BTBD9: variants seen among roughly 807,000 people sequenced by gnomAD.
The protein encoded by BTBD9 is BTB domain containing 9.
In BTBD9, 49 loss-of-function variants were observed where a neutral mutation model predicts 64.3. That is an observed-to-expected ratio of 0.76 (90% CI 0.61 to 0.97). The LOEUF is 0.97. BTBD9 is among the 50% of genes least tolerant of loss of function. The pLI, the probability that BTBD9 is intolerant of heterozygous loss-of-function variation, is 0.00. For synonymous variants in BTBD9, 260 were observed against 274.7 expected, an observed-to-expected ratio of 0.95 and a Z score of 0.53; for missense variants, 598 against 762.1, an observed-to-expected ratio of 0.78 and a Z score of 2.53.
intron 6 of BTBD9, among the ~76,000 whole-genome samples, chr6:38,541,514 G>A (rs1341577572): frequency 2.0e-5 from 3 of 152,242 alleles, no homozygotes; most frequent in Non-Finnish European, 4.4e-5. Context: ...CGAGGCAGGC[G>A]GATCACGAGG....
chr6:38,180,997 G>A lies in BTBD9; in HGVS notation c.1642-5815C>T, dbSNP rs145880431. On this transcript the variant is annotated intron_variant, in intron 10 of 10. Coordinates refer to ENST00000481247, the MANE Select transcript of BTBD9 (RefSeq NM_001099272.2). ...AGATAGGCTGGGTGTTCTTTTCCCCGTGAATCCTGGACAGGATGTACACAA... is the reference window on the plus strand; with the variant it reads ...AGATAGGCTGGGTGTTCTTTTCCCCATGAATCCTGGACAGGATGTACACAA... 1.3e-3 allele frequency among the ~76,000 whole-genome samples: 203 copies of A among 152,296 alleles called. 1 individual carries two copies. The highest frequency in any genetic ancestry group is 4.6e-3 in the African/African-American group (190 of 41,560).
chr6:38,232,233 GT>G (rs2127517940), intron 9 of BTBD9, among the ~76,000 whole-genome samples: 1 of 151,652 alleles, frequency 6.6e-6, no homozygotes, highest in African/African-American at 2.4e-5. Flanking sequence ...TGTAAGGGTA[GT>G]TTCAGCCCTG....
At chr6:38,597,790 T>A (rs1293000497) in intron 2 of BTBD9, 120 bp downstream of exon 2, 2 of 808,186 alleles carry the variant, frequency 2.5e-6, no homozygotes, top group African/African-American at 3.5e-5. Context: ...TTCATAGATA[T>A]TGAATTGAGA....
chr6:38,379,872 G>C (rs1464814012), intron 6 of BTBD9, among the ~76,000 whole-genome samples: 3 of 152,154 alleles, frequency 2.0e-5, no homozygotes, highest in Non-Finnish European at 4.4e-5. Flanking sequence ...CAGTGTAAAA[G>C]AGCCAAACAG....
intron 6 of BTBD9, among the ~76,000 whole-genome samples, chr6:38,561,495 A>G (rs1170663771): frequency 6.6e-6 from 1 of 152,212 alleles, no homozygotes; most frequent in Non-Finnish European, 1.5e-5. Flanking sequence ...ACATGAACTC[A>G]TATGTTCATT....
chr6:38,518,896 T>C (rs1201620513), intron 6 of BTBD9, among the ~76,000 whole-genome samples: 1 of 152,026 alleles, frequency 6.6e-6, no homozygotes, highest in African/African-American at 2.4e-5. Flanking sequence ...CCATTTTTTA[T>C]AAGACATATA....
At chr6:38,515,881 A>G (rs921634016) in intron 6 of BTBD9, among the ~76,000 whole-genome samples, 2 of 152,226 alleles carry the variant, frequency 1.3e-5, no homozygotes, top group African/African-American at 4.8e-5. Context: ...ATCAATGTGC[A>G]CTGTCTCACA....
intron 5 of BTBD9, among the ~76,000 whole-genome samples, chr6:38,578,556 A>G (rs75024000): frequency 4.2e-4 from 64 of 152,354 alleles, no homozygotes; most frequent in East Asian, 2.9e-3. Flanking sequence ...AGTTGTGACC[A>G]GAAAAGGTCA....
At chr6:38,318,832 G>A (rs1050403955) in intron 7 of BTBD9, among the ~76,000 whole-genome samples, 3 of 152,226 alleles carry the variant, frequency 2.0e-5, no homozygotes, top group African/African-American at 7.2e-5. Flanking sequence ...AAGCCAGCCA[G>A]TCTTGTGTCC....
chr6:38,398,319 T>C (rs1766775272), intron 6 of BTBD9, among the ~76,000 whole-genome samples: 2 of 152,132 alleles, frequency 1.3e-5, no homozygotes, highest in African/African-American at 4.8e-5. Context: ...TTGTGCCAGG[T>C]TCACAAGTCT....
chr6:38,401,896 T>C lies in BTBD9; in HGVS notation c.1155-56803A>G, dbSNP rs955486448. On this transcript the variant is annotated intron_variant, in intron 6 of 10. Transcript: ENST00000481247. ...CACCTAGTAAGTGTTCAACAAATGTTAACTATACATACTCTACTCTTTAAA... is the reference window on the plus strand; with the variant it reads ...CACCTAGTAAGTGTTCAACAAATGTCAACTATACATACTCTACTCTTTAAA... 3.9e-4 allele frequency among the ~76,000 whole-genome samples: 59 copies of C among 152,186 alleles called. 2 individuals are homozygous for C.
rs36006444 is a variant in BTBD9 at position 38,415,858 on chromosome 6, T to TAAAA, written c.1155-70769_1155-70766dup. ...GCTAGGCTGCCCAGGCTGCAGTCCT[T>TAAAA]AAAAAAAAAAAAAATTCTGCCTCAC... On this transcript the variant is annotated intron_variant, in intron 6 of 10. Transcript: ENST00000481247. Among the ~76,000 whole-genome samples, 186 of 145,816 alleles carry TAAAA rather than the reference T, an allele frequency of 1.3e-3. 1 individual carries two copies. The highest frequency in any genetic ancestry group is 2.2e-3 in the Non-Finnish European group (146 of 66,152).
chr6:38,333,669 T>C lies in BTBD9; in HGVS notation c.1264+11315A>G, dbSNP rs189191960. Among the ~76,000 whole-genome samples, 221 of 152,354 alleles carry C rather than the reference T, an allele frequency of 1.5e-3. 1 individual carries two copies. Among genetic ancestry groups the C allele is most frequent in the African/African-American group, 5.1e-3 (211 of 41,586 alleles). ...CCTGTTTTCCCTTCGCCTTTTGCCA[T>C]GACTGTAAGTTTCGTGAAGCCTCTG... On this transcript the variant is annotated intron_variant, in intron 7 of 10. Transcript: ENST00000481247.
intron 1 of BTBD9, among the ~76,000 whole-genome samples, chr6:38,610,920 G>T (rs958773510): frequency 2.7e-5 from 4 of 150,804 alleles, no homozygotes; most frequent in African/African-American, 9.8e-5. Context: ...ACCGGGGTGG[G>T]GGGGGGACTA....
chr6:38,305,168 T>A (rs1324003079), intron 7 of BTBD9, among the ~76,000 whole-genome samples: 1 of 152,098 alleles, frequency 6.6e-6, no homozygotes, highest in Non-Finnish European at 1.5e-5. Flanking sequence ...AGTTACTGAA[T>A]AAAGCAGAAA....
chr6:38,519,639 G>A (rs137875748), intron 6 of BTBD9, among the ~76,000 whole-genome samples: 3 of 151,802 alleles, frequency 2.0e-5, no homozygotes, highest in South Asian at 4.1e-4. Context: ...AGTGCTGTGA[G>A]CAATAGCTCA....
intron 6 of BTBD9, among the ~76,000 whole-genome samples, chr6:38,352,283 G>C (rs1442228068): frequency 1.3e-5 from 2 of 151,908 alleles, no homozygotes; most frequent in African/African-American, 2.4e-5. Context: ...AGACTGAGGT[G>C]GGAGGATCAA....
chr6:38,623,608 A>G (rs1013163472), intron 1 of BTBD9, among the ~76,000 whole-genome samples: 9 of 152,316 alleles, frequency 5.9e-5, no homozygotes, highest in African/African-American at 2.2e-4. Flanking sequence ...TCGGGAAAGT[A>G]CAAGACGCTT....
intron 7 of BTBD9, among the ~76,000 whole-genome samples, chr6:38,319,550 C>G (rs1763156235): frequency 6.6e-6 from 1 of 152,034 alleles, no homozygotes; most frequent in Non-Finnish European, 1.5e-5. Context: ...GCAGCAGGTT[C>G]CCTTCTGGCC....
Sources: gnomAD v4.1 joint callset for allele counts (sites outside exome capture counted in the v4.1 genomes callset) on GRCh38, gnomAD v4.1.1 for gene constraint, MANE v1.5 for transcripts, NCBI Gene and HGNC (gene_info 2026-07-23, HGNC 2026-07-21) for gene names.